RAB3B: variants seen among roughly 807,000 people sequenced by gnomAD.
RAB3B encodes the protein RAB3B, member RAS oncogene family.
A neutral mutation model predicts 20.5 loss-of-function variants in RAB3B; 11 were observed. The observed-to-expected ratio is 0.54, with a 90% CI of 0.34 to 0.89. The LOEUF is 0.89. Ranked by LOEUF, RAB3B falls within the 40% of genes least tolerant of loss-of-function variation. RAB3B has a pLI of 0.02. For synonymous variants in RAB3B, 99 were observed against 106.3 expected (o/e 0.93, Z 0.42); for missense variants, 225 against 280.9 (o/e 0.80, Z 1.42).
At chr1:51,989,522 T>C (rs575687265) in intron 1 of RAB3B, among the ~76,000 whole-genome samples, 1 of 151,790 alleles carries the variant, frequency 6.6e-6, no homozygotes, top group East Asian at 2.0e-4. Flanking sequence ...TTTCCACCCT[T>C]ACACCACGAC....
intron 1 of RAB3B, among the ~76,000 whole-genome samples, chr1:51,979,608 C>G (rs1221523639): frequency 6.6e-6 from 1 of 152,062 alleles, no homozygotes; most frequent in African/African-American, 2.4e-5. Context: ...AGGGAAGCAA[C>G]CACAACAACC....
At chr1:51,947,394 CA>C (rs11326252) in intron 2 of RAB3B, among the ~76,000 whole-genome samples, 119,276 of 145,010 alleles carry the variant, frequency 0.82, 49,527 homozygotes, top group East Asian at 0.95. Flanking sequence ...GACCTTGCCT[CA>C]AAAAAAAAAA....
intron 2 of RAB3B, among the ~76,000 whole-genome samples, chr1:51,973,776 A>G (rs1399092692): frequency 6.6e-6 from 1 of 152,190 alleles, no homozygotes; most frequent in African/African-American, 2.4e-5. Context: ...AAAGCTCACA[A>G]TTGGCTGAAC....
rs570081515 is a variant in RAB3B at position 51,937,644 on chromosome 1, T to A, written c.229-232A>T. Among the ~76,000 whole-genome samples the A allele has an allele frequency of 1.9e-4, 29 of 152,100 alleles. No homozygotes were observed. In the South Asian group the frequency reaches 4.2e-3, roughly 22 times the overall value. On this transcript the variant is annotated intron_variant, in intron 2 of 4. Coordinates refer to ENST00000371655, the MANE Select transcript of RAB3B (RefSeq NM_002867.4). ...TCCCGAGTGGCTGGGATTACAAGCA[T>A]GCACCACCATGCCCAGCTAATTTTG... is the stretch of plus-strand genomic sequence containing the variant.
intron 2 of RAB3B, among the ~76,000 whole-genome samples, chr1:51,949,775 C>G (rs1051505647): frequency 6.6e-6 from 1 of 152,222 alleles, no homozygotes; most frequent in South Asian, 2.1e-4. Flanking sequence ...CCCACAGCTC[C>G]GGGACTGGCT....
chr1:51,935,964 A>G (rs1190762413), intron 3 of RAB3B, among the ~76,000 whole-genome samples: 1 of 152,204 alleles, frequency 6.6e-6, no homozygotes, highest in Non-Finnish European at 1.5e-5. Context: ...ACTGCTGGTC[A>G]GAACAGGGGA....
In RAB3B at chr1:51,918,469, A is replaced by G. The variant is rs1480234188; in HGVS notation, c.*1458T>C. On this transcript the variant is annotated 3_prime_UTR_variant, in exon 5 of 5. Transcript: ENST00000371655. ...TGTTCTCAAATAGTCTGAAGACGTC[A>G]CAGGGCAGAGGGAGCACAGACTGTG... is the stretch of plus-strand genomic sequence containing the variant. 2.6e-5 allele frequency: 4 copies of G among 152,254 alleles called. No homozygotes were observed. Among genetic ancestry groups the G allele is most frequent in the African/African-American group, 9.6e-5 (4 of 41,464 alleles). The allele number at this position is 152,254 out of a possible 1,614,324, so 9.4% of individuals were successfully genotyped here.
chr1:51,920,910 G>A (rs899920986), intron 4 of RAB3B, among the ~76,000 whole-genome samples: 1 of 152,024 alleles, frequency 6.6e-6, no homozygotes, highest in African/African-American at 2.4e-5. Context: ...CCACTAAAAC[G>A]ATCCAATAGA....
chr1:51,964,596 A>ACT (rs796088180), intron 2 of RAB3B, among the ~76,000 whole-genome samples: 31 of 151,394 alleles, frequency 2.0e-4, no homozygotes, highest in African/African-American at 7.3e-4. Flanking sequence ...TGAATCCCCA[A>ACT]CTCTCTCTCT....
intron 4 of RAB3B, among the ~76,000 whole-genome samples, chr1:51,929,745 A>C (rs1165152659): frequency 6.6e-6 from 1 of 152,198 alleles, no homozygotes; most frequent in East Asian, 1.9e-4. Flanking sequence ...ATACCATACA[A>C]TTCACCCATT....
At chr1:51,989,678 C>T (rs547104886) in intron 1 of RAB3B, among the ~76,000 whole-genome samples, 287 of 152,006 alleles carry the variant, frequency 1.9e-3, no homozygotes, top group African/African-American at 6.6e-3. Flanking sequence ...GAATGTAGGC[C>T]CCTGTGTCCA....
rs186316360 is a variant in RAB3B, at chr1:51,962,368, T to A, written c.228+14522A>T. The stretch of plus-strand genomic sequence containing the variant: ...AAGCTGCTGTTCATTGCCACAATTA[T>A]TGATGTGTGAAGTCAAGAGGGATGC... On this transcript the variant is annotated intron_variant, in intron 2 of 4. Coordinates refer to ENST00000371655, the MANE Select transcript of RAB3B (RefSeq NM_002867.4). Among the ~76,000 whole-genome samples the A allele has an allele frequency of 3.3e-5, 5 of 152,268 alleles. No individual in the cohort carries two copies. The East Asian group carries it at 9.6e-4, about 29-fold the overall frequency.
At chr1:51,971,831 C>T (rs1476105869) in intron 2 of RAB3B, among the ~76,000 whole-genome samples, 2 of 152,218 alleles carry the variant, frequency 1.3e-5, no homozygotes, top group East Asian at 1.9e-4. Context: ...GGATCATTCA[C>T]GCCCTGGGCA....
At chr1:51,959,766 A>G (rs1201968926) in intron 2 of RAB3B, among the ~76,000 whole-genome samples, 1 of 152,268 alleles carries the variant, frequency 6.6e-6, no homozygotes, top group African/African-American at 2.4e-5. Context: ...GATATTGGTT[A>G]ATTATAACAA....
chr1:51,941,309 T>A (rs1684490647), intron 2 of RAB3B, among the ~76,000 whole-genome samples: 1 of 152,124 alleles, frequency 6.6e-6, no homozygotes, highest in Non-Finnish European at 1.5e-5. Flanking sequence ...ATGGACTTGA[T>A]TTTTTAAGAT....
chr1:51,988,824 T>C (rs2124324987), intron 1 of RAB3B, among the ~76,000 whole-genome samples: 1 of 152,252 alleles, frequency 6.6e-6, no homozygotes, highest in Admixed American at 6.5e-5. Context: ...TCATAATCTT[T>C]AAGAAACTGA....
chr1:51,928,353 T>A (rs1200168571), intron 4 of RAB3B, among the ~76,000 whole-genome samples: 2 of 152,214 alleles, frequency 1.3e-5, no homozygotes, highest in African/African-American at 4.8e-5. Flanking sequence ...GTGATCCACC[T>A]GCCTCGGCCT....
chr1:51,980,589 C>T (rs1571981281), intron 1 of RAB3B: 5 of 776,574 alleles, frequency 6.4e-6, no homozygotes, highest in Admixed American at 3.4e-5. Context: ...TTAAGAAATT[C>T]GTCATTTGAA....
At chr1:51,928,326 C>T (rs756124109) in intron 4 of RAB3B, among the ~76,000 whole-genome samples, 10 of 152,156 alleles carry the variant, frequency 6.6e-5, no homozygotes, top group Non-Finnish European at 1.0e-4. Context: ...AGGCTGGTCT[C>T]GAACTCCCGA....
Sources: gnomAD v4.1 joint callset for allele counts (sites outside exome capture counted in the v4.1 genomes callset) on GRCh38, gnomAD v4.1.1 for gene constraint, MANE v1.5 for transcripts, NCBI Gene and HGNC (gene_info 2026-07-23, HGNC 2026-07-21) for gene names.